The following SRFBP1 variants were observed in gnomAD, a reference collection of about 807,000 sequenced individuals.
The protein encoded by SRFBP1 is serum response factor binding protein 1, also known as serum response factor-binding protein 1.
A neutral mutation model predicts 45.5 loss-of-function variants in SRFBP1; 47 were observed. The ratio of observed to expected loss-of-function variants is 1.03; its 90% CI spans 0.82 to 1.32. The LOEUF is 1.32. Among genes scored for constraint, SRFBP1 ranks in the 40% most tolerant of loss-of-function variants. SRFBP1 has a pLI of 0.00. For missense variants in SRFBP1, 621 were observed against 484.6 expected (o/e 1.28, Z -2.64); for synonymous variants, 203 against 166.3 (o/e 1.22, Z -1.70).
chr5:122,035,753 T>G (rs1310599827), intron 2 of SRFBP1, among the ~76,000 whole-genome samples: 1 of 152,188 alleles, frequency 6.6e-6, no homozygotes, highest in Non-Finnish European at 1.5e-5. Flanking sequence ...CATCTGTGTT[T>G]TATCTTATGT....
chr5:122,038,024 A>G (rs1023571110), intron 2 of SRFBP1, among the ~76,000 whole-genome samples: 1 of 152,220 alleles, frequency 6.6e-6, no homozygotes, highest in East Asian at 1.9e-4. Flanking sequence ...GGTGTGGCCC[A>G]TAAAATCTCA....
At chr5:121,978,736 C>T (rs1752352988) in intron 3 of SRFBP1, among the ~76,000 whole-genome samples, 1 of 152,196 alleles carries the variant, frequency 6.6e-6, no homozygotes, top group South Asian at 2.1e-4. Context: ...AGGTGATCCG[C>T]CCACCTCGGC....
downstream of SRFBP1, chr5:122,077,123 G>T (rs1754661404): frequency 2.0e-6 from 3 of 1,489,990 alleles, no homozygotes; most frequent in East Asian, 7.2e-5. The surrounding 1 kb of genome is among the most constrained non-coding windows in gnomAD (Gnocchi z 4.9). Context: ...GAGTGGAGCG[G>T]AGGACAGCAA....
At chr5:122,057,158 T>G (rs1209324751) in intron 2 of SRFBP1, among the ~76,000 whole-genome samples, 2 of 152,178 alleles carry the variant, frequency 1.3e-5, no homozygotes, top group Non-Finnish European at 2.9e-5. Context: ...TCCCATGATA[T>G]TTCAAGTCAA....
chr5:122,042,517 G>A (rs918922749), intron 2 of SRFBP1, among the ~76,000 whole-genome samples: 1 of 152,164 alleles, frequency 6.6e-6, no homozygotes, highest in Non-Finnish European at 1.5e-5. Flanking sequence ...TTCCCAAAGT[G>A]CTGGAATTAC....
intron 3 of SRFBP1, among the ~76,000 whole-genome samples, chr5:121,993,643 T>C (rs1405971148): frequency 6.6e-6 from 1 of 152,112 alleles, no homozygotes; most frequent in Non-Finnish European, 1.5e-5. Flanking sequence ...TTTCGGTTAC[T>C]TTTAGTTGAG....
At chr5:121,978,313 CT>C (rs1217691626) in intron 3 of SRFBP1, among the ~76,000 whole-genome samples, 1 of 152,048 alleles carries the variant, frequency 6.6e-6, no homozygotes, top group Non-Finnish European at 1.5e-5. Context: ...TAGTATACTG[CT>C]TCAGTAAGTT....
downstream of SRFBP1, among the ~76,000 whole-genome samples, chr5:122,032,180 C>T (rs1753599574): frequency 1.3e-5 from 2 of 152,066 alleles, no homozygotes; most frequent in African/African-American, 4.8e-5. Flanking sequence ...GGTTTCCCTC[C>T]TCCCTTCAGT....
rs80029491 is a variant in SRFBP1, at chr5:121,975,574, T to C, written c.198+187T>C. 8.4e-3 allele frequency among the ~76,000 whole-genome samples: 1,273 copies of C among 152,122 alleles called. 3 individuals are homozygous for C. The highest frequency in any genetic ancestry group is 0.022 in the South Asian group (104 of 4,820). ...TAACATTTAAGCTTGCATTTTTCTG[T>C]TTTTGACTGAATTTGTTAAAGTGCT... On this transcript the variant is annotated intron_variant, in intron 3 of 7. Transcript: ENST00000339397.
At chr5:121,976,459 G>T (rs1010224429) in intron 3 of SRFBP1, among the ~76,000 whole-genome samples, 4 of 151,436 alleles carry the variant, frequency 2.6e-5, no homozygotes, top group Non-Finnish European at 4.4e-5. Flanking sequence ...AGATTATTTA[G>T]TTTTTTCATA....
downstream of SRFBP1, chr5:122,077,758 G>A (rs761937507): frequency 1.3e-6 from 2 of 1,555,572 alleles, no homozygotes; most frequent in East Asian, 4.8e-5. The surrounding 1 kb of genome is among the most constrained non-coding windows in gnomAD (Gnocchi z 4.9). Flanking sequence ...CTGCACCAGG[G>A]ACGGCGGCGC....
At chr5:122,069,921 C>T (rs1754401858) in intron 2 of SRFBP1, 1 of 757,816 alleles carries the variant, frequency 1.3e-6, no homozygotes, top group Non-Finnish European at 2.4e-6. Context: ...GACTGCATAC[C>T]ATTTTCTGCC....
intron 4 of SRFBP1, among the ~76,000 whole-genome samples, chr5:122,018,298 G>C (rs1344049118): frequency 6.6e-6 from 1 of 152,198 alleles, no homozygotes; most frequent in African/African-American, 2.4e-5. Flanking sequence ...GAGTGACCAG[G>C]CATAAGTTTA....
At chr5:122,035,297 T>G (rs537433673) in intron 2 of SRFBP1, among the ~76,000 whole-genome samples, 1 of 152,126 alleles carries the variant, frequency 6.6e-6, no homozygotes, top group Non-Finnish European at 1.5e-5. Flanking sequence ...TTCTCCTGAG[T>G]GTCCAGTGTA....
chr5:122,023,229 T>A (rs949278999), intron 7 of SRFBP1, among the ~76,000 whole-genome samples: 13 of 152,200 alleles, frequency 8.5e-5, no homozygotes, highest in African/African-American at 3.1e-4. Flanking sequence ...TAACTTTTTC[T>A]TCCAGTGACC....
At chr5:122,014,479 T>C (rs754169008) in intron 4 of SRFBP1, among the ~76,000 whole-genome samples, 2 of 152,144 alleles carry the variant, frequency 1.3e-5, no homozygotes, top group Admixed American at 6.6e-5. Context: ...AGTCTCATTT[T>C]ATATAAACTT....
intron 4 of SRFBP1, among the ~76,000 whole-genome samples, chr5:122,013,149 AT>A (rs1753128377): frequency 6.6e-6 from 1 of 152,114 alleles, no homozygotes; most frequent in Non-Finnish European, 1.5e-5. Context: ...CAGTGTTTAC[AT>A]TTATTTTGCC....
At chr5:122,006,245 TA>T (rs1752973253) in intron 4 of SRFBP1, among the ~76,000 whole-genome samples, 2 of 152,174 alleles carry the variant, frequency 1.3e-5, no homozygotes, top group South Asian at 4.1e-4. Context: ...GGTAGGCCTT[TA>T]CTGAGAAATT....
Position 121,994,644 on chromosome 5 carries a change from A to C in SRFBP1, c.244A>C (p.Ile82Leu). The change falls in exon 4 of 8, where the codon ATC becomes CTC. Residue 82 changes from isoleucine (I) to leucine (L), a missense_variant. Physicochemically the swap from Ile to Leu is conservative, Grantham distance 5. Coordinates refer to ENST00000339397, the MANE Select transcript of SRFBP1 (RefSeq NM_152546.3). Reference sequence around the variant, plus strand: ...AACTAAATCTGCTCTTGGTGATGATATCAACTTTGAAAAAATCTTCAAAAA... The same window carrying C: ...AACTAAATCTGCTCTTGGTGATGATCTCAACTTTGAAAAAATCTTCAAAAA... ...IVTKSALGDDINFEKIFKKPD... is the reference protein window; with the variant it reads ...IVTKSALGDDLNFEKIFKKPD... The C allele has an allele frequency of 6.3e-7, 1 of 1,596,424 alleles. No homozygotes were observed. The highest frequency in any genetic ancestry group is 8.5e-7 in the Non-Finnish European group (1 of 1,172,906).
Sources: allele counts gnomAD v4.1 joint callset (sites outside exome capture counted in the v4.1 genomes callset), GRCh38; gene constraint gnomAD v4.1.1; non-coding constraint Gnocchi (gnomAD v3.1); transcripts MANE v1.5; gene names NCBI Gene and HGNC (gene_info 2026-07-23, HGNC 2026-07-21).